The following ZNF385D variants were observed in gnomAD, a reference collection of about 807,000 sequenced individuals.
ZNF385D encodes the protein zinc finger protein 659.
Under a neutral mutation model 35.8 loss-of-function variants are expected in ZNF385D, and 15 were observed. The observed-to-expected ratio is 0.42, with a 90% CI of 0.28 to 0.64. The LOEUF (loss-of-function observed/expected upper bound fraction) is 0.64, where lower values mean the gene tolerates loss of function less well. Among genes scored for constraint, ZNF385D ranks in the 30% least tolerant of loss-of-function variants. The probability of loss-of-function intolerance (pLI) is 0.23; values close to 1 mark genes in which losing one functional copy is unlikely to be tolerated. For missense variants in ZNF385D, 474 were observed against 494.6 expected, an observed-to-expected ratio of 0.96 and a Z score of 0.39; for synonymous variants, 212 against 186.8, an observed-to-expected ratio of 1.13 and a Z score of -1.10.
intron 2 of ZNF385D, among the ~76,000 whole-genome samples, chr3:22,204,979 CAAAAAAA>C (rs761954306): frequency 4.3e-5 from 4 of 92,966 alleles, no homozygotes; most frequent in East Asian, 7.5e-4. Flanking sequence ...TGACCAAATC[CAAAAAAA>C]AAAAAAAAAA....
intron 3 of ZNF385D, among the ~76,000 whole-genome samples, chr3:21,923,910 T>G (rs1051240702): frequency 2.6e-5 from 4 of 152,172 alleles, no homozygotes; most frequent in Non-Finnish European, 4.4e-5. Context: ...TGTGCCCATG[T>G]AACAAACCTG....
intron 5 of ZNF385D, among the ~76,000 whole-genome samples, chr3:21,434,911 T>A (rs1330187339): frequency 6.6e-6 from 1 of 152,114 alleles, no homozygotes; most frequent in Non-Finnish European, 1.5e-5. Context: ...AACACTCTTA[T>A]AAGGGAATTC....
intron 1 of ZNF385D, among the ~76,000 whole-genome samples, chr3:21,733,574 C>T (rs2069112490): frequency 6.6e-6 from 1 of 151,992 alleles, no homozygotes; most frequent in African/African-American, 2.4e-5. Context: ...AATTATTTTT[C>T]CAAGCACAAG....
At chr3:22,240,219 G>A (rs1024035458) in intron 2 of ZNF385D, among the ~76,000 whole-genome samples, 2 of 144,510 alleles carry the variant, frequency 1.4e-5, no homozygotes, top group Non-Finnish European at 3.0e-5. Flanking sequence ...CAGACACCTG[G>A]CTCCACCAAA....
At chr3:21,695,672 A>G (rs2067445426) in intron 1 of ZNF385D, among the ~76,000 whole-genome samples, 1 of 152,108 alleles carries the variant, frequency 6.6e-6, no homozygotes, top group South Asian at 2.1e-4. Flanking sequence ...CCAGTCATCA[A>G]GCTATGCCCA....
chr3:21,745,492 G>A (rs946567756), intron 1 of ZNF385D, among the ~76,000 whole-genome samples: 1 of 152,188 alleles, frequency 6.6e-6, no homozygotes, highest in East Asian at 1.9e-4. Flanking sequence ...ACAGAGCAAA[G>A]CATCTTCCTA....
At chr3:22,120,800 G>A (rs990957533) in intron 3 of ZNF385D, among the ~76,000 whole-genome samples, 28 of 152,148 alleles carry the variant, frequency 1.8e-4, no homozygotes, top group East Asian at 1.9e-4. Flanking sequence ...CCTAATTACC[G>A]TTTATAACCA....
intron 5 of ZNF385D, among the ~76,000 whole-genome samples, chr3:21,431,387 C>T (rs1701285746): frequency 6.6e-6 from 1 of 152,102 alleles, no homozygotes; most frequent in Non-Finnish European, 1.5e-5. Context: ...ATCCCCCAAA[C>T]ATATTATTTG....
intron 2 of ZNF385D, among the ~76,000 whole-genome samples, chr3:22,171,037 G>T (rs934363182): frequency 1.3e-5 from 2 of 152,192 alleles, no homozygotes; most frequent in South Asian, 4.1e-4. Flanking sequence ...TTCATTCTGA[G>T]TGGCAAGATT....
At chr3:21,423,730 CT>C (rs1448486369) in intron 7 of ZNF385D, among the ~76,000 whole-genome samples, 9 of 152,050 alleles carry the variant, frequency 5.9e-5, no homozygotes, top group African/African-American at 2.2e-4. Flanking sequence ...TTTTCCTGAC[CT>C]TCCTTCCAAA....
rs561760270 is a variant in ZNF385D, at chr3:22,243,305, G to T, written c.107-74270C>A. On this transcript the variant is annotated intron_variant, in intron 2 of 5. Coordinates refer to the ZNF385D transcript ENST00000494108. ...ATCCTTGGCCATTAGGTAAATGGAA[G>T]TCAGTACTATATCAAAATATTACTT... 1.3e-5 allele frequency among the ~76,000 whole-genome samples: 2 copies of T among 151,184 alleles called. 1 individual carries two copies. The highest frequency in any genetic ancestry group is 4.3e-4 in the South Asian group (2 of 4,634).
intron 2 of ZNF385D, among the ~76,000 whole-genome samples, chr3:22,176,806 C>A (rs1018828068): frequency 1.3e-5 from 2 of 151,912 alleles, no homozygotes; most frequent in African/African-American, 4.8e-5. Context: ...ATTTTTGAGG[C>A]CAAATGGGAG....
chr3:21,855,701 G>A (rs568567884), intron 3 of ZNF385D, among the ~76,000 whole-genome samples: 1 of 152,074 alleles, frequency 6.6e-6, no homozygotes, highest in South Asian at 2.1e-4. Context: ...AACTGTTTGT[G>A]CTAAAAGGTA....
intron 3 of ZNF385D, among the ~76,000 whole-genome samples, chr3:21,812,556 C>G (rs1298250455): frequency 6.6e-6 from 1 of 152,252 alleles, no homozygotes; most frequent in Non-Finnish European, 1.5e-5. Context: ...ATATCCCATG[C>G]CTGGCTTGGA....
chr3:21,889,027 G>T (rs1276540778), intron 3 of ZNF385D, among the ~76,000 whole-genome samples: 1 of 152,238 alleles, frequency 6.6e-6, no homozygotes, highest in Non-Finnish European at 1.5e-5. Flanking sequence ...TAGACTGTGT[G>T]TGGGGAGTGC....
Position 22,097,600 on chromosome 3 carries a change from T to C in ZNF385D, c.325+71217A>G, listed in dbSNP as rs575498392. On this transcript the variant is annotated intron_variant, in intron 3 of 5. Transcript: ENST00000494108. ...AATGACTTCTTCTCACTGTCTATGA[T>C]AAAATGAGAAATGAGAGAACAAGGA... 3.3e-5 allele frequency among the ~76,000 whole-genome samples: 5 copies of C among 152,088 alleles called. No homozygotes were observed. In the South Asian group the frequency reaches 1.0e-3, roughly 32 times the overall value.
intron 3 of ZNF385D, among the ~76,000 whole-genome samples, chr3:21,825,724 T>C (rs1193139291): frequency 6.6e-6 from 1 of 152,150 alleles, no homozygotes; most frequent in African/African-American, 2.4e-5. Flanking sequence ...TCTGTGTTTG[T>C]CTCTCTCTCA....
At chr3:21,520,802 A>C (rs1387334663) in intron 3 of ZNF385D, among the ~76,000 whole-genome samples, 1 of 152,238 alleles carries the variant, frequency 6.6e-6, no homozygotes, top group Non-Finnish European at 1.5e-5. Context: ...AATTCTTTTA[A>C]ATATGCACAT....
intron 2 of ZNF385D, among the ~76,000 whole-genome samples, chr3:22,278,674 T>C (rs1425429775): frequency 6.6e-6 from 1 of 152,130 alleles, no homozygotes; most frequent in Non-Finnish European, 1.5e-5. Context: ...TTTTCCCTCC[T>C]TGACACTCTC....
Sources: allele counts gnomAD v4.1 joint callset (sites outside exome capture counted in the v4.1 genomes callset), GRCh38; gene constraint gnomAD v4.1.1; transcripts MANE v1.5; gene names NCBI Gene and HGNC (gene_info 2026-07-23, HGNC 2026-07-21).